TRAPPC14: variants seen among roughly 807,000 people sequenced by gnomAD.
TRAPPC14 encodes the protein microtubule associated protein 11.
TRAPPC14 carries 24 observed loss-of-function variants against 56.6 expected under a neutral mutation model. The ratio of observed to expected loss-of-function variants is 0.42; its 90% CI spans 0.31 to 0.60. The LOEUF (loss-of-function observed/expected upper bound fraction) is 0.60. TRAPPC14 is among the 20% of genes least tolerant of loss of function. The pLI is 0.14. For missense variants in TRAPPC14, 615 were observed against 790.3 expected (o/e 0.78, Z 2.66); for synonymous variants, 377 against 347.0 (o/e 1.09, Z -0.96).
At chr7:100,155,932 C>G (rs1251286361) in intron 8 of TRAPPC14, 107 bp from the exon 9 acceptor site, 2 of 1,397,402 alleles carry the variant, frequency 1.4e-6, no homozygotes, top group Non-Finnish European at 2.0e-6. Flanking sequence ...GTGGAGTAAA[C>G]TGAGCAAACG....
At position 100,157,303 on chromosome 7, in the gene TRAPPC14, T is replaced by C. The variant is rs537476512; in HGVS notation, c.724+70A>G. ...AAAAACCGGACCTACCCCACCAGCC[T>C]GCCCAGAGGAACTGCATCCAATCAG... is the stretch of plus-strand genomic sequence containing the variant. On this transcript the variant is annotated intron_variant, in intron 4 of 10. Coordinates refer to ENST00000316937, the MANE Select transcript of TRAPPC14 (RefSeq NM_018275.5). 29 of 1,613,086 alleles carry C rather than the reference T, an allele frequency of 1.8e-5. No individual in the cohort carries two copies. The South Asian group carries it at 2.4e-4, about 13-fold the overall frequency.
In TRAPPC14 at chr7:100,154,822, C is replaced by A. The variant is rs1374430797; in HGVS notation, c.*189G>T. The stretch of plus-strand genomic sequence containing the variant: ...CTCGGGGAATACTGGTGGCTTAGTC[C>A]CAGCCATGCCCGCCCACTTCACAGC... On this transcript the variant is annotated 3_prime_UTR_variant, in exon 11 of 11. Transcript: ENST00000316937. The A allele has an allele frequency of 3.2e-6, 2 of 628,864 alleles. No homozygotes were observed. The highest frequency in any genetic ancestry group is 5.6e-6 in the Non-Finnish European group (2 of 357,136). 39.0% of individuals were successfully genotyped at this position (628,864 alleles called of 1,614,324 possible). A position where few individuals can be genotyped will look rare whatever the true frequency, so the allele number is the denominator to read the frequency against.
rs1054400440 is a variant in TRAPPC14, at chr7:100,158,702, T to G, written c.-203A>C. The G allele has an allele frequency of 9.2e-6, 4 of 434,382 alleles. No individual in the cohort carries two copies. The highest frequency in any genetic ancestry group is 1.5e-5 in the Non-Finnish European group (4 of 259,998). 26.9% of individuals were successfully genotyped at this position (434,382 alleles called of 1,614,324 possible). On this transcript the variant is annotated 5_prime_UTR_variant, in exon 1 of 11. Coordinates refer to ENST00000316937, the MANE Select transcript of TRAPPC14 (RefSeq NM_018275.5). ...GCCGGAACCGGGGTACTGAGCCGAATGACTGGAGAGAAACAGGAAGCGGAA... is the reference window on the plus strand; with the variant it reads ...GCCGGAACCGGGGTACTGAGCCGAAGGACTGGAGAGAAACAGGAAGCGGAA...
In TRAPPC14 at chr7:100,156,840, C is replaced by G; in HGVS notation, c.993+5G>C. ...TCTTTGAACACACCAGCCCCTTATGCTCACCTCCTTGGCCCCTGGAGGGGG... is the reference window on the plus strand; with the variant it reads ...TCTTTGAACACACCAGCCCCTTATGGTCACCTCCTTGGCCCCTGGAGGGGG... On this transcript the variant is annotated splice_donor_5th_base_variant and intron_variant, in intron 6 of 10. Transcript: ENST00000316937. The G allele has an allele frequency of 6.2e-7, 1 of 1,613,958 alleles. No homozygotes were observed. The highest frequency in any genetic ancestry group is 8.5e-7 in the Non-Finnish European group (1 of 1,179,942).
intron 8 of TRAPPC14, 170 bp from the exon 9 acceptor site, chr7:100,155,995 G>C: frequency 1.1e-6 from 1 of 870,922 alleles, no homozygotes. Flanking sequence ...CTGTGTGCAA[G>C]GCACGTCACG....
At chr7:100,156,253 G>T in intron 8 of TRAPPC14, 133 bp downstream of exon 8, 1 of 852,010 alleles carries the variant, frequency 1.2e-6, no homozygotes. Flanking sequence ...CAGGGCGGAA[G>T]CCACCTGCCA....
chr7:100,157,864 G>A lies in TRAPPC14; in HGVS notation c.486C>T (p.Pro162=), dbSNP rs948540645. 3 of 1,587,892 alleles carry A rather than the reference G, an allele frequency of 1.9e-6. No homozygotes were observed. Among genetic ancestry groups the A allele is most frequent in the African/African-American group, 1.3e-5 (1 of 74,574 alleles). ...TTACCTTGGCCTTAGGTGTCCCTGGGGGCAGTCTATCCAGTGAAACGGTGA... is the reference window on the plus strand; with the variant it reads ...TTACCTTGGCCTTAGGTGTCCCTGGAGGCAGTCTATCCAGTGAAACGGTGA... ...FPLTVSLDRL[P]PGTPKAKIVV... is the part of the protein sequence containing the mutation. The change falls in exon 2 of 11, where the codon CCC becomes CCT. Residue 162 remains proline, a synonymous_variant. Transcript: ENST00000316937.
In TRAPPC14 at chr7:100,155,134, G is replaced by A; in HGVS notation, c.1620C>T (p.Ile540=). 2 of 1,613,098 alleles carry A rather than the reference G, an allele frequency of 1.2e-6. No homozygotes were observed. Among genetic ancestry groups the A allele is most frequent in the East Asian group, 4.5e-5 (2 of 44,888 alleles). Residue 540 remains isoleucine, a synonymous_variant, in exon 11 of 11, where the codon ATC becomes ATT. Coordinates refer to ENST00000316937, the MANE Select transcript of TRAPPC14 (RefSeq NM_018275.5). ...RSGSVMERRA[I]TPPVASPVGR... ...CAACAGGAGAGGCCACAGGGGGCGT[G>A]ATGGCTCTGCGCTCCATCACACTGC... is the stretch of plus-strand genomic sequence containing the variant.
Position 100,156,720 on chromosome 7 carries a change from C to T in TRAPPC14, c.994-4G>A, listed in dbSNP as rs143162409. The T allele has an allele frequency of 1.4e-3, 2,203 of 1,608,836 alleles. 2 individuals carry two copies. The highest frequency in any genetic ancestry group is 3.6e-3 in the Admixed American group (217 of 59,536). Reference sequence around the variant, plus strand: ...CAATCAGGGGAACTTCCAGGCCCTGCAGGAGGGACAAAGGGGGTTGGCACA... The same window carrying T: ...CAATCAGGGGAACTTCCAGGCCCTGTAGGAGGGACAAAGGGGGTTGGCACA... On this transcript the variant is annotated splice_polypyrimidine_tract_variant and splice_region_variant and intron_variant, in intron 6 of 10. Coordinates refer to ENST00000316937, the MANE Select transcript of TRAPPC14 (RefSeq NM_018275.5).
At position 100,158,627 on chromosome 7, in the gene TRAPPC14, C is replaced by A; in HGVS notation, c.-128G>T. 1.0e-6 allele frequency: 1 copy of A among 983,068 alleles called. No homozygotes were observed. The highest frequency in any genetic ancestry group is 4.5e-5 in the South Asian group (1 of 22,116). The allele number at this position is 983,068 out of a possible 1,614,324, so 60.9% of individuals were successfully genotyped here. A position where few individuals can be genotyped will look rare whatever the true frequency, so the allele number is the denominator to read the frequency against. On this transcript the variant is annotated 5_prime_UTR_variant, in exon 1 of 11. Coordinates refer to ENST00000316937, the MANE Select transcript of TRAPPC14 (RefSeq NM_018275.5). The stretch of plus-strand genomic sequence containing the variant: ...GCCCGGCTGGGGCGGCCGGAGAGAC[C>A]GGCCCGGTCCCGGCACCGGGGCAAC...
chr7:100,155,040 T>A lies in TRAPPC14; in HGVS notation c.1714A>T (p.Lys572Ter). Residue 572 changes from lysine (K) to a stop codon, truncating the protein, a stop_gained, in exon 11 of 11, where the codon AAG (lysine) becomes TAG (stop). Coordinates refer to ENST00000316937, the MANE Select transcript of TRAPPC14 (RefSeq NM_018275.5). LOFTEE classifies it high-confidence loss of function. ...SLDKIAKREC[K>*]VLVVEPVK ...TTGACGGGTTCCACCACCAGGACCT[T>A]GCACTCGCGCTTGGCAATCTTGTCC... is the stretch of plus-strand genomic sequence containing the variant. 6.2e-7 allele frequency: 1 copy of A among 1,613,992 alleles called. No individual in the cohort carries two copies. The highest frequency in any genetic ancestry group is 8.5e-7 in the Non-Finnish European group (1 of 1,179,950).
intron 8 of TRAPPC14, 40 bp from the exon 9 acceptor site, chr7:100,155,865 C>G (rs1411399686): frequency 1.4e-5 from 23 of 1,613,720 alleles, no homozygotes; most frequent in Non-Finnish European, 1.9e-5. Context: ...CTACAGCGTT[C>G]CTCATTCCCA....
Position 100,155,263 on chromosome 7 carries a change from T to C in TRAPPC14, c.1588A>G (p.Arg530Gly). Residue 530 changes from arginine to glycine, a missense_variant and splice_region_variant, in exon 10 of 11, where the codon AGG becomes GGG. Arg to Gly is a moderately radical substitution (Grantham distance 125, BLOSUM62 -2). Transcript: ENST00000316937. ...HQQPSRSHLM[R>G]SGSVMERRAI... ...ATGCCACGCCCCCTGGTTCTGTACC[T>C]CATGAGGTGGCTTCGGGAAGGCTGC... 1 of 1,573,874 alleles carries C rather than the reference T, an allele frequency of 6.4e-7. No homozygotes were observed. Among genetic ancestry groups the C allele is most frequent in the Non-Finnish European group, 8.6e-7 (1 of 1,160,304 alleles).
At position 100,157,745 on chromosome 7, in the gene TRAPPC14, CCA is replaced by C; in HGVS notation, c.523_524del (p.Trp175GlufsTer5). 1 of 1,614,254 alleles carries C rather than the reference CCA, an allele frequency of 6.2e-7. No individual in the cohort carries two copies. The highest frequency in any genetic ancestry group is 8.5e-7 in the Non-Finnish European group (1 of 1,180,034). On this transcript the variant is annotated frameshift_variant, in exon 3 of 11. Transcript: ENST00000316937. LOFTEE classifies it high-confidence loss of function. The stretch of plus-strand genomic sequence containing the variant: ...CCTCTGGTGCCTCAATCTCCCGCTT[CCA>C]CACAGTCACTACAATCTGTCAAGAG... The part of the protein sequence containing the change: ...TPKAKIVVTV[W>X]KREIEAPEVR...
rs1451111283 is a variant in TRAPPC14, at chr7:100,155,289, T to C, written c.1562A>G (p.Gln521Arg). The C allele has an allele frequency of 1.9e-6, 3 of 1,563,042 alleles. No homozygotes were observed. In the Admixed American group the frequency reaches 5.8e-5, roughly 30 times the overall value. ...CATGAGGTGGCTTCGGGAAGGCTGC[T>C]GGTGGGAGAAGGACTGGGAGCGGCC... ...SLGRSQSFSH[Q>R]QPSRSHLMRS... is the part of the protein sequence containing the mutation. Residue 521 changes from glutamine (Q) to arginine (R), a missense_variant, in exon 10 of 11, where the codon CAG becomes CGG. Transcript: ENST00000316937.
chr7:100,157,583 TC>T, intron 3 of TRAPPC14, 49 bp downstream of exon 3: 2 of 1,609,560 alleles, frequency 1.2e-6, no homozygotes. Context: ...CTCCCCTCTG[TC>T]CCCCAATTCC....
intron 8 of TRAPPC14, 55 bp from the exon 9 acceptor site, chr7:100,155,880 G>C: frequency 6.9e-6 from 11 of 1,605,606 alleles, no homozygotes; most frequent in Non-Finnish European, 9.4e-6. Context: ...TTCCCACAGG[G>C]CCTTCGCCAG....
rs374399062 is a variant in TRAPPC14, at chr7:100,154,991, G to A, written c.*20C>T. 8.1e-6 allele frequency: 13 copies of A among 1,613,720 alleles called. No individual in the cohort carries two copies. The highest frequency in any genetic ancestry group is 6.7e-5 in the Admixed American group (4 of 59,994). ...GCGTTGGGTCTCTGGAGTGTAAGAGGGAACAGAGCTGGCACGGTGCTACTT... is the reference window on the plus strand; with the variant it reads ...GCGTTGGGTCTCTGGAGTGTAAGAGAGAACAGAGCTGGCACGGTGCTACTT... On this transcript the variant is annotated 3_prime_UTR_variant, in exon 11 of 11. Transcript: ENST00000316937.
chr7:100,156,566 A>G lies in TRAPPC14; in HGVS notation c.1077-17T>C, dbSNP rs1485876308. 5 of 1,613,538 alleles carry G rather than the reference A, an allele frequency of 3.1e-6. No individual in the cohort carries two copies. Among genetic ancestry groups the G allele is most frequent in the Non-Finnish European group, 3.4e-6 (4 of 1,179,686 alleles). On this transcript the variant is annotated splice_polypyrimidine_tract_variant and intron_variant, in intron 7 of 10. Transcript: ENST00000316937. Reference sequence around the variant, plus strand: ...CTGGGCAGGCTAGGAGTGGTGAGAGAGGGATGCTGGCTGTGTGTGTCAGGC... The same window carrying G: ...CTGGGCAGGCTAGGAGTGGTGAGAGGGGGATGCTGGCTGTGTGTGTCAGGC...
Sources: allele counts gnomAD v4.1 joint callset, GRCh38; gene constraint gnomAD v4.1.1; transcripts MANE v1.5; gene names NCBI Gene and HGNC (gene_info 2026-07-23, HGNC 2026-07-21).